RTN1: variants seen among roughly 807,000 people sequenced by gnomAD.
RTN1 encodes reticulon-1.
RTN1 carries 25 observed loss-of-function variants against 65.5 expected under a neutral mutation model. That is an observed-to-expected ratio of 0.38 (90% CI 0.28 to 0.53). The LOEUF (loss-of-function observed/expected upper bound fraction) is 0.53, where lower values mean the gene tolerates loss of function less well. Among genes scored for constraint, RTN1 ranks in the 20% least tolerant of loss-of-function variants. The probability of loss-of-function intolerance (pLI) is 0.79; values close to 1 mark genes in which losing one functional copy is unlikely to be tolerated. For missense variants in RTN1, 983 were observed against 1,025.4 expected (o/e 0.96, Z 0.57); for synonymous variants, 471 against 447.6 (o/e 1.05, Z -0.66).
At chr14:59,669,568 C>T (rs1883456954) in intron 3 of RTN1, among the ~76,000 whole-genome samples, 1 of 151,908 alleles carries the variant, frequency 6.6e-6, no homozygotes, top group Non-Finnish European at 1.5e-5. Flanking sequence ...ATCAAACCTG[C>T]ATGTTGTGCA....
At position 59,603,101 on chromosome 14, in the gene RTN1, C is replaced by A; in HGVS notation, c.2252G>T (p.Gly751Val). 6.2e-7 allele frequency: 1 copy of A among 1,613,366 alleles called. No individual in the cohort carries two copies. Among genetic ancestry groups the A allele is most frequent in the South Asian group, 1.1e-5 (1 of 90,954 alleles). ...AGCATTTATGTGAGTCCTCACAAGT[C>A]CCAGATATTGGTCAATCTGTGCCTA... ...KHQAQIDQYLGLVRTHINAVV... is the reference protein window; with the variant it reads ...KHQAQIDQYLVLVRTHINAVV... Residue 751 changes from glycine to valine, a missense_variant, in exon 8 of 9, where the codon GGA (glycine) becomes GTA (valine). Coordinates refer to ENST00000267484, the MANE Select transcript of RTN1 (RefSeq NM_021136.3).
intron 1 of RTN1, among the ~76,000 whole-genome samples, chr14:59,764,395 A>C (rs1341162001): frequency 6.6e-6 from 1 of 151,296 alleles, no homozygotes; most frequent in Non-Finnish European, 1.5e-5. Context: ...ACCTCGGCTC[A>C]CTGCAACCTC....
At chr14:59,838,552 T>C (rs1887254365) in intron 1 of RTN1, among the ~76,000 whole-genome samples, 1 of 151,940 alleles carries the variant, frequency 6.6e-6, no homozygotes, top group African/African-American at 2.4e-5. Flanking sequence ...AGAAGAAAAA[T>C]AGTTAATGAT....
In RTN1 at chr14:59,749,571, A is replaced by ATCTG. The variant is rs1566712208; in HGVS notation, c.242-3091_242-3090insCAGA. Among the ~76,000 whole-genome samples, 3 of 49,936 alleles carry ATCTG rather than the reference A, an allele frequency of 6.0e-5. 1 individual carries two copies. Among genetic ancestry groups the ATCTG allele is most frequent in the Admixed American group, 3.6e-4 (1 of 2,776 alleles). The allele number at this position is 49,936 out of a possible 152,430, so 32.8% of individuals were successfully genotyped here. A position where few individuals can be genotyped will look rare whatever the true frequency, so the allele number is the denominator to read the frequency against. On this transcript the variant is annotated intron_variant, in intron 1 of 8. Transcript: ENST00000267484. ...TTTATATAGATATCTATATATAGATATATATATATAGATATTTATATATAT... is the reference window on the plus strand; with the variant it reads ...TTTATATAGATATCTATATATAGATATCTGTATATATATAGATATTTATATATAT...
intron 3 of RTN1, among the ~76,000 whole-genome samples, chr14:59,654,027 A>ATT (rs1193625574): frequency 1.3e-5 from 2 of 152,124 alleles, no homozygotes; most frequent in African/African-American, 2.4e-5. Flanking sequence ...GTTTCAAGTG[A>ATT]TTCTTCCCAC....
intron 3 of RTN1, among the ~76,000 whole-genome samples, chr14:59,661,072 C>T (rs1883234070): frequency 6.6e-6 from 1 of 151,880 alleles, no homozygotes; most frequent in African/African-American, 2.4e-5. Flanking sequence ...ACTGATCCCA[C>T]AGAAATACAA....
chr14:59,622,186 A>G (rs1882273045), intron 3 of RTN1, among the ~76,000 whole-genome samples: 1 of 152,124 alleles, frequency 6.6e-6, no homozygotes, highest in Admixed American at 6.6e-5. Context: ...AAATACAAAA[A>G]GAAAATCAGC....
At chr14:59,722,161 T>G (rs1034509176) in intron 3 of RTN1, among the ~76,000 whole-genome samples, 3 of 152,122 alleles carry the variant, frequency 2.0e-5, no homozygotes, top group Non-Finnish European at 2.9e-5. Context: ...GGAGGTTGAG[T>G]GTTCACACTC....
chr14:59,682,867 G>A (rs563747666), intron 3 of RTN1, among the ~76,000 whole-genome samples: 3 of 152,080 alleles, frequency 2.0e-5, no homozygotes, highest in Non-Finnish European at 4.4e-5. Flanking sequence ...TTCCTAATAC[G>A]CATGCACTAA....
At position 59,794,584 on chromosome 14, in the gene RTN1, C is replaced by T. The variant is rs1886407186; in HGVS notation, c.242-48103G>A. ...AGTTTTAATTACTGTAACAAAGATCCATGTCTGCTCCATGGTGTTGGGAGC... is the reference window on the plus strand; with the variant it reads ...AGTTTTAATTACTGTAACAAAGATCTATGTCTGCTCCATGGTGTTGGGAGC... On this transcript the variant is annotated intron_variant, in intron 1 of 8. Transcript: ENST00000267484. This position sits in a 1 kb window ranked among gnomAD's most constrained non-coding sequence, Gnocchi z 5.1. Among the ~76,000 whole-genome samples, 3 of 152,158 alleles carry T rather than the reference C, an allele frequency of 2.0e-5. No individual in the cohort carries two copies. Among genetic ancestry groups the T allele is most frequent in the Admixed American group, 1.3e-4 (2 of 15,272 alleles).
Position 59,745,993 on chromosome 14 carries a change from G to C in RTN1, c.730C>G (p.Pro244Ala), listed in dbSNP as rs1174327794. Residue 244 changes from proline (P) to alanine (A), a missense_variant, in exon 2 of 9, where the codon CCT becomes GCT. Coordinates refer to ENST00000267484, the MANE Select transcript of RTN1 (RefSeq NM_021136.3). ...EGVREPDKPA[P>A]VEGKIIKDHL... ...TCCTTGATGATTTTTCCCTCCACAG[G>C]AGCTGGTTTGTCAGGTTCACGGACT... 1 of 1,614,126 alleles carries C rather than the reference G, an allele frequency of 6.2e-7. No individual in the cohort carries two copies. The highest frequency in any genetic ancestry group is 8.5e-7 in the Non-Finnish European group (1 of 1,180,020).
intron 3 of RTN1, among the ~76,000 whole-genome samples, chr14:59,624,465 CTTTT>C (rs113013375): frequency 7.0e-6 from 1 of 142,014 alleles, no homozygotes. Context: ...ATTTTCTTTT[CTTTT>C]TTTTTTTTTT....
chr14:59,846,316 T>TC lies in RTN1; in HGVS notation c.241+24073dup, dbSNP rs1343981198. Among the ~76,000 whole-genome samples, 1 of 152,126 alleles carries TC rather than the reference T, an allele frequency of 6.6e-6. No individual in the cohort carries two copies. Among genetic ancestry groups the TC allele is most frequent in the Non-Finnish European group, 1.5e-5 (1 of 68,004 alleles). ...CCTCCTTGCTCACCTACAGCAGACATCACTCATTAATCCCGGCATTCTTTC... is the reference window on the plus strand; with the variant it reads ...CCTCCTTGCTCACCTACAGCAGACATCCACTCATTAATCCCGGCATTCTTTC... On this transcript the variant is annotated intron_variant, in intron 1 of 8. Coordinates refer to ENST00000267484, the MANE Select transcript of RTN1 (RefSeq NM_021136.3). This position sits in a 1 kb window ranked among gnomAD's most constrained non-coding sequence, Gnocchi z 4.8.
At chr14:59,624,173 A>G (rs1289609823) in intron 3 of RTN1, among the ~76,000 whole-genome samples, 1 of 152,238 alleles carries the variant, frequency 6.6e-6, no homozygotes, top group Non-Finnish European at 1.5e-5. Flanking sequence ...TCATGAAACA[A>G]TAAGATAACT....
At chr14:59,863,534 T>G (rs1887746715) in intron 1 of RTN1, among the ~76,000 whole-genome samples, 1 of 152,140 alleles carries the variant, frequency 6.6e-6, no homozygotes. Flanking sequence ...CGTCGCCCAC[T>G]TTTACTCAGT....
intron 3 of RTN1, among the ~76,000 whole-genome samples, chr14:59,681,264 A>T (rs1186317388): frequency 6.6e-6 from 1 of 152,190 alleles, no homozygotes; most frequent in Non-Finnish European, 1.5e-5. Context: ...TAGACATATG[A>T]ACATATATTT....
intron 3 of RTN1, among the ~76,000 whole-genome samples, chr14:59,637,581 G>A (rs1477651592): frequency 1.3e-5 from 2 of 151,830 alleles, no homozygotes; most frequent in Admixed American, 1.3e-4. Context: ...GTGTGGTGGT[G>A]CGTGCCTGTA....
At chr14:59,693,170 G>T (rs776953940) in intron 3 of RTN1, among the ~76,000 whole-genome samples, 1 of 152,142 alleles carries the variant, frequency 6.6e-6, no homozygotes, top group Non-Finnish European at 1.5e-5. Context: ...ATAAATTTCA[G>T]TTGTTTGTAA....
At position 59,862,798 on chromosome 14, in the gene RTN1, G is replaced by C. The variant is rs1181158612; in HGVS notation, c.241+7592C>G. On this transcript the variant is annotated intron_variant, in intron 1 of 8. Coordinates refer to ENST00000267484, the MANE Select transcript of RTN1 (RefSeq NM_021136.3). ...CCAAGGGCTACTCAGTGTTCCCTCA[G>C]TTTGCCCTAGTCCTTTCACTCTCTC... 2.0e-5 allele frequency among the ~76,000 whole-genome samples: 3 copies of C among 152,162 alleles called. No individual in the cohort carries two copies. The East Asian group carries it at 5.8e-4, about 29-fold the overall frequency.
Sources: gnomAD v4.1 joint callset for allele counts (sites outside exome capture counted in the v4.1 genomes callset) on GRCh38, gnomAD v4.1.1 for gene constraint, Gnocchi (gnomAD v3.1) non-coding constraint, MANE v1.5 for transcripts, NCBI Gene and HGNC (gene_info 2026-07-23, HGNC 2026-07-21) for gene names.